Variants in AFDN observed in about 807,000 individuals in gnomAD.
The protein encoded by AFDN is afadin, adherens junction formation factor.
In AFDN, 68 loss-of-function variants were observed where a neutral mutation model predicts 216.6. The ratio of observed to expected loss-of-function variants is 0.31; its 90% CI spans 0.26 to 0.38. The LOEUF is 0.38. AFDN is among the 10% of genes least tolerant of loss of function. The pLI is 1.00. For synonymous variants in AFDN, 868 were observed against 853.7 expected, an observed-to-expected ratio of 1.02 and a Z score of -0.29; for missense variants, 2,136 against 2,342.0, an observed-to-expected ratio of 0.91 and a Z score of 1.82.
At chr6:167,964,394 T>G (rs1797326947) in intron 31 of AFDN, 1 of 1,064,726 alleles carries the variant, frequency 9.4e-7, no homozygotes, top group Admixed American at 5.3e-5. Context: ...TCTTGATAGT[T>G]CCATTTAAAA....
intron 31 of AFDN, chr6:167,964,804 A>G (rs1562352978): frequency 5.6e-6 from 6 of 1,066,364 alleles, no homozygotes; most frequent in Non-Finnish European, 6.8e-6. Context: ...ATTTCACAGC[A>G]TTAAACATTT....
intron 5 of AFDN, among the ~76,000 whole-genome samples, chr6:167,878,265 C>T (rs1329057065): frequency 2.0e-5 from 3 of 152,094 alleles, no homozygotes; most frequent in Non-Finnish European, 2.9e-5. Flanking sequence ...ATCTTCAAAA[C>T]GGGGCACTAA....
chr6:167,906,730 A>T (rs148602056), intron 12 of AFDN, among the ~76,000 whole-genome samples: 16 of 152,238 alleles, frequency 1.1e-4, no homozygotes, highest in African/African-American at 3.4e-4. Flanking sequence ...TTCATTAGGT[A>T]TTGAGCTATA....
intron 5 of AFDN, among the ~76,000 whole-genome samples, chr6:167,876,084 T>C (rs1411304569): frequency 1.3e-5 from 2 of 152,200 alleles, no homozygotes; most frequent in Admixed American, 1.3e-4. Context: ...ATGTAACACA[T>C]TGAATGCATG....
intron 2 of AFDN, among the ~76,000 whole-genome samples, chr6:167,868,620 C>T (rs944237875): frequency 2.0e-5 from 3 of 152,154 alleles, no homozygotes; most frequent in East Asian, 1.9e-4. Context: ...TGGAAAATCA[C>T]ATCTTTCTCT....
chr6:167,848,392 C>T (rs1315551786), intron 1 of AFDN, among the ~76,000 whole-genome samples: 1 of 152,080 alleles, frequency 6.6e-6, no homozygotes. Flanking sequence ...TTCTGCCTCC[C>T]CCAAGAAAAC....
At chr6:167,827,274 G>GCCCGCGGCGCCGCGCCCCGCCCCTCCCC (rs1779200419) in intron 1 of AFDN, 37 bp downstream of exon 1, 1 of 886,508 alleles carries the variant, frequency 1.1e-6, no homozygotes, top group African/African-American at 2.0e-5. Flanking sequence ...CGCGACCCCC[G>GCCCGCGGCGCCGCGCCCCGCCCCTCCCC]CCCGCTGCGC....
rs763036730 is a variant in AFDN at position 167,951,709 on chromosome 6, G to C, written c.4355G>C (p.Arg1452Pro). The change falls in exon 30 of 34, where the codon CGC (arginine) becomes CCC (proline). Residue 1452 changes from arginine to proline, a missense_variant. Coordinates refer to ENST00000683244, the MANE Select transcript of AFDN (RefSeq NM_001386888.1). The surrounding 1 kb of genome is among the most constrained non-coding windows in gnomAD (Gnocchi z 7.1). ...CAGGAGAGGAAGTTGGGCCAGATGC[G>C]CACTCAGTCCTTAAACCCTGCTCCG... ...REQERKLGQM[R>P]TQSLNPAPFS... 1.2e-6 allele frequency: 2 copies of C among 1,614,018 alleles called. No individual in the cohort carries two copies. The highest frequency in any genetic ancestry group is 3.3e-5 in the Admixed American group (2 of 60,022).
chr6:167,889,829 G>A lies in AFDN; in HGVS notation c.1009+503G>A, dbSNP rs147299256. ...CAATATTAGCACTACAGCAAGAAGCGAAAGATCATTGGTATCTACCAGTAG... is the reference window on the plus strand; with the variant it reads ...CAATATTAGCACTACAGCAAGAAGCAAAAGATCATTGGTATCTACCAGTAG... On this transcript the variant is annotated intron_variant, in intron 7 of 33. Coordinates refer to ENST00000683244, the MANE Select transcript of AFDN (RefSeq NM_001386888.1). 1.5e-4 allele frequency among the ~76,000 whole-genome samples: 23 copies of A among 152,290 alleles called. No individual in the cohort carries two copies. The East Asian group carries it at 4.2e-3, about 28-fold the overall frequency.
intron 1 of AFDN, among the ~76,000 whole-genome samples, chr6:167,828,414 T>A (rs1444776603): frequency 6.6e-6 from 1 of 152,256 alleles, no homozygotes; most frequent in African/African-American, 2.4e-5. Flanking sequence ...TTTTCATCTG[T>A]ACCTGTGACT....
At position 167,965,683 on chromosome 6, in the gene AFDN, C is replaced by G; in HGVS notation, c.4969-74C>G. 4 of 1,379,990 alleles carry G rather than the reference C, an allele frequency of 2.9e-6. No homozygotes were observed. In the South Asian group the frequency reaches 6.0e-5, roughly 21 times the overall value. 85.5% of individuals were successfully genotyped at this position (1,379,990 alleles called of 1,614,324 possible). ...TCAGTGTGATGATGAGGATTGTTCC[C>G]TTTGAAGGCCCAGTGGGTCGGCTGT... is the stretch of plus-strand genomic sequence containing the variant. On this transcript the variant is annotated intron_variant, in intron 31 of 33. Transcript: ENST00000683244.
At chr6:167,842,596 G>A (rs762833533) in intron 1 of AFDN, among the ~76,000 whole-genome samples, 15 of 152,136 alleles carry the variant, frequency 9.9e-5, no homozygotes, top group African/African-American at 3.4e-4. Context: ...GCCTGATTTC[G>A]TGGTAGCTGC....
chr6:167,898,225 G>A lies in AFDN; in HGVS notation c.1338G>A (p.Gln446=). Residue 446 remains glutamine (Q), a synonymous_variant, in exon 11 of 34, where the codon CAG becomes CAA. Coordinates refer to ENST00000683244, the MANE Select transcript of AFDN (RefSeq NM_001386888.1). ...TCCAGTTGTTTGGCCCAGGAATTCAGCCCCATCACTGTGACCTTACCAACA... is the reference window on the plus strand; with the variant it reads ...TCCAGTTGTTTGGCCCAGGAATTCAACCCCATCACTGTGACCTTACCAACA... ...NSIQLFGPGI[Q]PHHCDLTNMD... is the part of the protein sequence containing the mutation. 6.2e-7 allele frequency: 1 copy of A among 1,614,004 alleles called. No homozygotes were observed. The highest frequency in any genetic ancestry group is 8.5e-7 in the Non-Finnish European group (1 of 1,179,956).
chr6:167,935,447 C>T (rs3800534), intron 23 of AFDN, among the ~76,000 whole-genome samples: 60,682 of 151,984 alleles, frequency 0.4, 12,850 homozygotes, highest in East Asian at 0.79. Flanking sequence ...GGGAAAAGTG[C>T]ATTTAAAAAT....
intron 15 of AFDN, 121 bp from the exon 16 acceptor site, chr6:167,913,282 A>G: frequency 1.1e-6 from 1 of 942,512 alleles, no homozygotes; most frequent in African/African-American, 1.6e-5. Context: ...TAACATAACT[A>G]AATGTCGTAC....
At chr6:167,874,869 C>T (rs1018784916) in intron 4 of AFDN, among the ~76,000 whole-genome samples, 7 of 152,086 alleles carry the variant, frequency 4.6e-5, no homozygotes, top group African/African-American at 1.2e-4. Context: ...CCCACATCAG[C>T]CTCCCAAAGT....
chr6:167,856,162 T>G (rs1782875572), intron 1 of AFDN, among the ~76,000 whole-genome samples: 1 of 152,096 alleles, frequency 6.6e-6, no homozygotes, highest in Non-Finnish European at 1.5e-5. Flanking sequence ...CCACAGAACT[T>G]GTGTTCAAGT....
At chr6:167,870,011 T>TGTGTG (rs1368108542) in intron 2 of AFDN, among the ~76,000 whole-genome samples, 2 of 152,236 alleles carry the variant, frequency 1.3e-5, no homozygotes, top group African/African-American at 4.8e-5. Context: ...GTGGAACTTC[T>TGTGTG]GTGTGGTATT....
chr6:167,849,730 G>C (rs1228858140), intron 1 of AFDN, among the ~76,000 whole-genome samples: 1 of 152,172 alleles, frequency 6.6e-6, no homozygotes, highest in South Asian at 2.1e-4. Context: ...TTATTCTAGT[G>C]AACAGAGTGT....
Sources: allele counts gnomAD v4.1 joint callset (sites outside exome capture counted in the v4.1 genomes callset), GRCh38; gene constraint gnomAD v4.1.1; non-coding constraint Gnocchi (gnomAD v3.1); transcripts MANE v1.5; gene names NCBI Gene and HGNC (gene_info 2026-07-23, HGNC 2026-07-21).